The following LRRC9 variants were observed in gnomAD, a reference collection of about 807,000 sequenced individuals.
LRRC9 encodes leucine rich repeat containing 9.
In LRRC9, 122 loss-of-function variants were observed where a neutral mutation model predicts 63.2. The observed-to-expected ratio is 1.93, with a 90% CI of 1.67 to 2.24. LRRC9 has a LOEUF of 2.24. Among genes scored for constraint, LRRC9 ranks in the 30% most tolerant of loss-of-function variants. LRRC9 has a pLI of 0.00. For synonymous variants in LRRC9, 366 were observed against 213.1 expected, an observed-to-expected ratio of 1.72 and a Z score of -6.25; for missense variants, 1,071 against 627.7, an observed-to-expected ratio of 1.71 and a Z score of -7.55.
chr14:59,999,114 G>A, exon 19 of LRRC9: 2 of 688,292 alleles, frequency 2.9e-6, no homozygotes, highest in South Asian at 1.6e-5. Context: ...GCCACATTGA[G>A]GCTGAGTGTT....
intron 5 of LRRC9, 48 bp downstream of exon 5, chr14:59,931,730 T>C: frequency 1.5e-6 from 1 of 651,532 alleles, no homozygotes; most frequent in Non-Finnish European, 2.7e-6. Flanking sequence ...TAATCATTTT[T>C]TATCAATATA....
rs1314967507 is a variant in LRRC9 at position 60,051,294 on chromosome 14, C to G, written c.3991-1771C>G. On this transcript the variant is annotated intron_variant, in intron 29 of 31. Transcript: ENST00000445360. This position sits in a 1 kb window ranked among gnomAD's most constrained non-coding sequence, Gnocchi z 4.7. Reference sequence around the variant, plus strand: ...CTGGCTGGAGTGACTCCAGGCCCCCCACAAGGGGGCCCCGCCCAGTGAGGA... The same window carrying G: ...CTGGCTGGAGTGACTCCAGGCCCCCGACAAGGGGGCCCCGCCCAGTGAGGA... Among the ~76,000 whole-genome samples, 2 of 152,202 alleles carry G rather than the reference C, an allele frequency of 1.3e-5. No individual in the cohort carries two copies. Among genetic ancestry groups the G allele is most frequent in the African/African-American group, 4.8e-5 (2 of 41,458 alleles).
chr14:59,977,968 T>G (rs1311771842), intron 14 of LRRC9, 49 bp from the exon 15 acceptor site: 1 of 670,496 alleles, frequency 1.5e-6, no homozygotes. Context: ...AAAGTATGTT[T>G]CAATTTGAGA....
At chr14:60,008,876 T>C (rs1279236362) in intron 23 of LRRC9, among the ~76,000 whole-genome samples, 3 of 152,210 alleles carry the variant, frequency 2.0e-5, no homozygotes, top group Non-Finnish European at 2.9e-5. Flanking sequence ...GATCATTTAG[T>C]ATTCTGAGGT....
rs1348693639 is a variant in LRRC9 at position 60,053,915 on chromosome 14, G to A, written c.4131+710G>A. On this transcript the variant is annotated intron_variant, in intron 30 of 31. Coordinates refer to ENST00000445360, the Ensembl canonical transcript of LRRC9. The surrounding 1 kb of genome is among the most constrained non-coding windows in gnomAD (Gnocchi z 4.8). Reference sequence around the variant, plus strand: ...AGAATGCTGTGGTTTGAGAAAAAAAGAGGCTGGAGGGAGAAGGGAAACCAG... The same window carrying A: ...AGAATGCTGTGGTTTGAGAAAAAAAAAGGCTGGAGGGAGAAGGGAAACCAG... 1 of 455,686 alleles carries A rather than the reference G, an allele frequency of 2.2e-6. No individual in the cohort carries two copies. The highest frequency in any genetic ancestry group is 4.4e-6 in the Non-Finnish European group (1 of 226,648). The allele number at this position is 455,686 out of a possible 1,614,324, so 28.2% of individuals were successfully genotyped here.
chr14:60,057,653 G>GAAAAA (rs34584505), intron 30 of LRRC9: 3 of 223,030 alleles, frequency 1.3e-5, no homozygotes, highest in Admixed American at 5.7e-5. Context: ...AATGCAGTCT[G>GAAAAA]AAAAAAAAAA....
intron 29 of LRRC9, among the ~76,000 whole-genome samples, chr14:60,040,207 G>A (rs551669562): frequency 4.6e-5 from 7 of 151,856 alleles, no homozygotes; most frequent in African/African-American, 7.3e-5. Context: ...GAATAAATGC[G>A]GTGTGGTGCT....
At chr14:60,064,275 A>T (rs1395647048), downstream of LRRC9, among the ~76,000 whole-genome samples, 1 of 152,240 alleles carries the variant, frequency 6.6e-6, no homozygotes, top group Non-Finnish European at 1.5e-5. Context: ...TAAAATTGAT[A>T]ACCAAATTGC....
intron 29 of LRRC9, among the ~76,000 whole-genome samples, chr14:60,037,383 CA>C (rs1204706530): frequency 6.6e-6 from 1 of 152,208 alleles, no homozygotes; most frequent in Admixed American, 6.5e-5. Flanking sequence ...GTCCCACCAA[CA>C]GGGTAAAAGC....
chr14:59,939,070 TAC>T (rs1881456434), intron 7 of LRRC9, among the ~76,000 whole-genome samples: 1 of 147,852 alleles, frequency 6.8e-6, no homozygotes, highest in Non-Finnish European at 1.5e-5. Flanking sequence ...TATACGTATA[TAC>T]ACATATATAC....
Position 59,931,696 on chromosome 14 carries a change from C to T in LRRC9, c.472+14C>T. On this transcript the variant is annotated intron_variant, in intron 5 of 31. Coordinates refer to ENST00000445360, the Ensembl canonical transcript of LRRC9. ...TAAATAGCATTGGTATGTACTATTT[C>T]ATTTGGAATCTGAGATAATGCTATA... is the stretch of plus-strand genomic sequence containing the variant. 1 of 676,420 alleles carries T rather than the reference C, an allele frequency of 1.5e-6. No individual in the cohort carries two copies. Among genetic ancestry groups the T allele is most frequent in the Admixed American group, 2.3e-5 (1 of 44,248 alleles). The allele number at this position is 676,420 out of a possible 1,614,324, so 41.9% of individuals were successfully genotyped here.
chr14:60,061,138 C>A (rs763270590), intron 31 of LRRC9, among the ~76,000 whole-genome samples: 2 of 152,214 alleles, frequency 1.3e-5, no homozygotes, highest in Non-Finnish European at 2.9e-5. Flanking sequence ...TAGAATATTA[C>A]AAACTTAGTT....
rs866923175 is a variant in LRRC9, at chr14:59,975,154, T to C, written c.1639+446T>C. Among the ~76,000 whole-genome samples, 24 of 28,184 alleles carry C rather than the reference T, an allele frequency of 8.5e-4. 1 individual carries two copies. Among genetic ancestry groups the C allele is most frequent in the African/African-American group, 1.4e-3 (21 of 14,868 alleles). 18.5% of individuals were successfully genotyped at this position (28,184 alleles called of 152,430 possible). Reference sequence around the variant, plus strand: ...ATATATATATACATATATATATGTATATATATATATGTATATATATATACA... The same window carrying C: ...ATATATATATACATATATATATGTACATATATATATGTATATATATATACA... On this transcript the variant is annotated intron_variant, in intron 13 of 31. Transcript: ENST00000445360.
intron 10 of LRRC9, among the ~76,000 whole-genome samples, chr14:59,961,918 T>C (rs1219668240): frequency 6.6e-6 from 1 of 152,226 alleles, no homozygotes; most frequent in Non-Finnish European, 1.5e-5. Context: ...CCAGGAGACA[T>C]GTCAAACTAT....
Position 59,932,106 on chromosome 14 carries a change from A to T in LRRC9, c.543+67A>T. 1.5e-6 allele frequency: 1 copy of T among 664,108 alleles called. No homozygotes were observed. The highest frequency in any genetic ancestry group is 2.7e-5 in the East Asian group (1 of 36,534). 41.1% of individuals were successfully genotyped at this position (664,108 alleles called of 1,614,324 possible). A position where few individuals can be genotyped will look rare whatever the true frequency, so the allele number is the denominator to read the frequency against. The stretch of plus-strand genomic sequence containing the variant: ...AATCATGAACCATTGTGTTGCAGAA[A>T]CTGTACTAAAAAGTCCCCCATTAAG... On this transcript the variant is annotated intron_variant, in intron 6 of 31. Coordinates refer to ENST00000445360, the Ensembl canonical transcript of LRRC9. The surrounding 1 kb of genome is among the most constrained non-coding windows in gnomAD (Gnocchi z 4.7).
rs565975734 is a variant in LRRC9, at chr14:59,993,335, C to T, written c.2212-4321C>T. On this transcript the variant is annotated intron_variant, in intron 17 of 31. Coordinates refer to ENST00000445360, the Ensembl canonical transcript of LRRC9. ...AGCACTAAACATGGAAAGGAACAAC[C>T]GGTACCAGCCACTGCAAAAACATAA... is the stretch of plus-strand genomic sequence containing the variant. Among the ~76,000 whole-genome samples, 337 of 152,242 alleles carry T rather than the reference C, an allele frequency of 2.2e-3. 1 individual carries two copies. The highest frequency in any genetic ancestry group is 6.0e-3 in the African/African-American group (249 of 41,528).
intron 29 of LRRC9, among the ~76,000 whole-genome samples, chr14:60,043,185 C>G (rs958702284): frequency 6.6e-6 from 1 of 152,160 alleles, no homozygotes; most frequent in Non-Finnish European, 1.5e-5. Context: ...TAGCTCTTAA[C>G]AGTTTTTTGG....
intron 3 of LRRC9, among the ~76,000 whole-genome samples, chr14:59,929,625 G>A (rs371910939): frequency 2.0e-5 from 3 of 151,972 alleles, no homozygotes; most frequent in South Asian, 4.1e-4. Flanking sequence ...ACACATGCAC[G>A]TGTATGTTCA....
intron 29 of LRRC9, among the ~76,000 whole-genome samples, chr14:60,040,206 C>T (rs528176650): frequency 6.6e-6 from 1 of 151,926 alleles, no homozygotes; most frequent in East Asian, 1.9e-4. Flanking sequence ...GGAATAAATG[C>T]GGTGTGGTGC....
Sources: allele counts gnomAD v4.1 joint callset (sites outside exome capture counted in the v4.1 genomes callset), GRCh38; gene constraint gnomAD v4.1.1; non-coding constraint Gnocchi (gnomAD v3.1); transcripts MANE v1.5; gene names NCBI Gene and HGNC (gene_info 2026-07-23, HGNC 2026-07-21).